The following BANF2 variants were observed in gnomAD, a reference collection of about 807,000 sequenced individuals.
BANF2 encodes BANF family member 2.
Under a neutral mutation model 8.0 loss-of-function variants are expected in BANF2, and 4 were observed. The ratio of observed to expected loss-of-function variants is 0.50; its 90% confidence interval spans 0.25 to 1.14. The LOEUF is 1.14. Ranked by LOEUF, BANF2 falls within the 50% of genes most tolerant of loss-of-function variation. The probability of loss-of-function intolerance (pLI) is 0.16; values close to 1 mark genes in which losing one functional copy is unlikely to be tolerated. For synonymous variants in BANF2, 50 were observed against 40.6 expected, an observed-to-expected ratio of 1.23 and a Z score of -0.88; for missense variants, 96 against 107.5, an observed-to-expected ratio of 0.89 and a Z score of 0.47.
Position 17,699,995 on chromosome 20 carries a change from T to C in BANF2, c.-227T>C, listed in dbSNP as rs1168617090. ...CATAAGCTGAACCTCTGGCCTGCAG[T>C]TCCAGATCCAAGGTGACTGAGACAA... On this transcript the variant is annotated 5_prime_UTR_variant, in exon 1 of 4. Coordinates refer to ENST00000246090, the MANE Select transcript of BANF2 (RefSeq NM_178477.5). 1 of 985,348 alleles carries C rather than the reference T, an allele frequency of 1.0e-6. No individual in the cohort carries two copies. Among genetic ancestry groups the C allele is most frequent in the African/African-American group, 1.7e-5 (1 of 57,216 alleles). 61.0% of individuals were successfully genotyped at this position (985,348 alleles called of 1,614,324 possible).
chr20:17,732,658 G>GC (rs35677423), intron 3 of BANF2, among the ~76,000 whole-genome samples: 2 of 152,068 alleles, frequency 1.3e-5, no homozygotes, highest in Non-Finnish European at 2.9e-5. Flanking sequence ...ACCTGGCCGA[G>GC]CCCCCCCTCT....
intron 1 of BANF2, among the ~76,000 whole-genome samples, chr20:17,717,766 GA>G (rs2037676509): frequency 2.6e-5 from 4 of 152,162 alleles, no homozygotes; most frequent in Non-Finnish European, 5.9e-5. Context: ...TGTTCCCACA[GA>G]TGCAGATTCC....
chr20:17,729,426 G>C (rs1345539747), intron 3 of BANF2, among the ~76,000 whole-genome samples: 2 of 152,166 alleles, frequency 1.3e-5, no homozygotes, highest in Non-Finnish European at 1.5e-5. Context: ...GGTGCCCCAT[G>C]TTGCGACATC....
At chr20:17,697,877 T>C (rs868547992), upstream of BANF2, among the ~76,000 whole-genome samples, 11 of 152,236 alleles carry the variant, frequency 7.2e-5, no homozygotes, top group Middle Eastern at 3.4e-3. Flanking sequence ...GTACTCATGA[T>C]AGTGAGTTCT....
intron 3 of BANF2, among the ~76,000 whole-genome samples, chr20:17,732,963 A>G (rs1173468835): frequency 6.6e-6 from 1 of 152,132 alleles, no homozygotes; most frequent in African/African-American, 2.4e-5. Flanking sequence ...GTGCTCAGGG[A>G]AGAAGGGAGA....
intron 1 of BANF2, among the ~76,000 whole-genome samples, chr20:17,702,811 G>A (rs961463765): frequency 6.6e-6 from 1 of 152,148 alleles, no homozygotes; most frequent in South Asian, 2.1e-4. Flanking sequence ...GAACCGTCAC[G>A]GGAATATTCT....
At chr20:17,695,288 CAAT>C (rs1177431502), upstream of BANF2, among the ~76,000 whole-genome samples, 2 of 150,680 alleles carry the variant, frequency 1.3e-5, no homozygotes, top group African/African-American at 4.9e-5. Flanking sequence ...TCTCTACAAA[CAAT>C]AATTAAAAAA....
chr20:17,706,872 T>A (rs1459007700), intron 1 of BANF2, among the ~76,000 whole-genome samples: 1 of 152,158 alleles, frequency 6.6e-6, no homozygotes, highest in African/African-American at 2.4e-5. Flanking sequence ...GGTGACTCTA[T>A]CCAAAGTCCA....
At chr20:17,731,982 C>T (rs1410730499) in intron 3 of BANF2, among the ~76,000 whole-genome samples, 1 of 151,636 alleles carries the variant, frequency 6.6e-6, no homozygotes, top group Non-Finnish European at 1.5e-5. Context: ...AGGAGAATCG[C>T]TTGAACCTGG....
chr20:17,718,189 G>A (rs1455650671), intron 1 of BANF2, among the ~76,000 whole-genome samples: 1 of 151,558 alleles, frequency 6.6e-6, no homozygotes, highest in Non-Finnish European at 1.5e-5. Flanking sequence ...TTGTGTTGTA[G>A]AGGTGTTCGT....
intron 1 of BANF2, among the ~76,000 whole-genome samples, chr20:17,711,904 C>T (rs2037579393): frequency 6.6e-6 from 1 of 152,214 alleles, no homozygotes; most frequent in Non-Finnish European, 1.5e-5. Context: ...AGATTCTCTC[C>T]AGGCCGTGTT....
chr20:17,735,110 AAAGAAAAGAAAAGAG>A (rs1200784193), intron 3 of BANF2, among the ~76,000 whole-genome samples: 8 of 151,946 alleles, frequency 5.3e-5, no homozygotes, highest in Non-Finnish European at 1.2e-4. Context: ...CAAATAAAAG[AAAGAAAAGAAAAGAG>A]AAGAAAAGAA....
intron 1 of BANF2, among the ~76,000 whole-genome samples, chr20:17,704,531 G>C (rs1485595307): frequency 6.6e-6 from 1 of 152,190 alleles, no homozygotes; most frequent in East Asian, 1.9e-4. Context: ...CTGTTGCTGA[G>C]GTCTACATGA....
intron 1 of BANF2, among the ~76,000 whole-genome samples, chr20:17,710,506 C>G (rs1259756460): frequency 6.6e-6 from 1 of 152,210 alleles, no homozygotes; most frequent in African/African-American, 2.4e-5. Context: ...GGCGCTCAGC[C>G]ACCATGAGCC....
chr20:17,700,966 T>C (rs1047773761), intron 1 of BANF2, among the ~76,000 whole-genome samples: 3 of 152,200 alleles, frequency 2.0e-5, no homozygotes, highest in African/African-American at 7.2e-5. Flanking sequence ...GTGGCTTCTA[T>C]AGGGACCCCA....
intron 3 of BANF2, among the ~76,000 whole-genome samples, chr20:17,726,792 A>G (rs1234907770): frequency 3.3e-5 from 5 of 152,220 alleles, no homozygotes; most frequent in Admixed American, 6.5e-5. Context: ...GTTGTTGTTC[A>G]GCTATACTCA....
At chr20:17,721,687 C>T (rs993214648) in intron 1 of BANF2, among the ~76,000 whole-genome samples, 16 of 152,148 alleles carry the variant, frequency 1.1e-4, no homozygotes, top group Non-Finnish European at 2.9e-5. Flanking sequence ...CCACCACTCC[C>T]GGCACCTTTG....
At chr20:17,719,249 C>A (rs867555641) in intron 1 of BANF2, among the ~76,000 whole-genome samples, 1 of 152,104 alleles carries the variant, frequency 6.6e-6, no homozygotes, top group African/African-American at 2.4e-5. Flanking sequence ...CTCAGCCTTC[C>A]GAGTAGCTGG....
At chr20:17,723,506 G>C (rs577687054) in intron 2 of BANF2, among the ~76,000 whole-genome samples, 4 of 152,224 alleles carry the variant, frequency 2.6e-5, no homozygotes, top group Non-Finnish European at 5.9e-5. Context: ...GGACTTTTTG[G>C]TAGCATGTGC....
Sources: gnomAD v4.1 joint callset for allele counts (sites outside exome capture counted in the v4.1 genomes callset) on GRCh38, gnomAD v4.1.1 for gene constraint, MANE v1.5 for transcripts, NCBI Gene and HGNC (gene_info 2026-07-23, HGNC 2026-07-21) for gene names.